Variants in CD276 observed in about 807,000 individuals in gnomAD.
CD276 encodes the protein CD276 antigen.
Under a neutral mutation model 50.0 loss-of-function variants are expected in CD276, and 34 were observed. That is an observed-to-expected ratio of 0.68 (90% CI 0.52 to 0.91). CD276 has a LOEUF of 0.91. CD276 is among the 40% of genes least tolerant of loss of function. The pLI is 0.00. For synonymous variants in CD276, 275 were observed against 313.0 expected (o/e 0.88, Z 1.28); for missense variants, 634 against 717.5 (o/e 0.88, Z 1.33).
At position 73,704,432 on chromosome 15, in the gene CD276, C is replaced by T. The variant is rs748594967; in HGVS notation, c.1329C>T (p.Pro443=). Residue 443 remains proline, a synonymous_variant, in exon 6 of 10, where the codon CCC becomes CCT. Transcript: ENST00000318443. The surrounding 1 kb of genome is among the most constrained non-coding windows in gnomAD (Gnocchi z 4.1). ...CCTACAGCTGCCTGGTGCGCAACCC[C>T]GTGCTGCAGCAGGATGCGCACGGCT... ...NGTYSCLVRN[P]VLQQDAHGSV... The T allele has an allele frequency of 3.6e-5, 58 of 1,613,752 alleles. No individual in the cohort carries two copies. Among genetic ancestry groups the T allele is most frequent in the Middle Eastern group, 3.3e-4 (2 of 6,084 alleles).
rs761489221 is a variant in CD276 at position 73,702,403 on chromosome 15, G to A, written c.228G>A (p.Val76=). ...IWQLTDTKQL[V]HSFAEGQDQG... ...AGCTGACAGATACCAAACAGCTGGT[G>A]CACAGCTTTGCTGAGGGCCAGGACC... is the stretch of plus-strand genomic sequence containing the variant. The change falls in exon 3 of 10, where the codon GTG becomes GTA. Residue 76 remains valine (V), a synonymous_variant. Coordinates refer to ENST00000318443, the MANE Select transcript of CD276 (RefSeq NM_001024736.2). 3.1e-6 allele frequency: 5 copies of A among 1,613,798 alleles called. No homozygotes were observed. The highest frequency in any genetic ancestry group is 1.6e-4 in the Middle Eastern group (1 of 6,062).
At chr15:73,695,963 C>T (rs538190574) in intron 1 of CD276, among the ~76,000 whole-genome samples, 1 of 152,310 alleles carries the variant, frequency 6.6e-6, no homozygotes, top group South Asian at 2.1e-4. Context: ...GGCATTTTGG[C>T]CCTGAGCCCA....
Position 73,713,597 on chromosome 15 carries a change from G to A in CD276, c.*641G>A. On this transcript the variant is annotated 3_prime_UTR_variant, in exon 10 of 10. Coordinates refer to ENST00000318443, the MANE Select transcript of CD276 (RefSeq NM_001024736.2). ...CCTCCCTGCCCCAAGTGAAGACAGG[G>A]CACTCTGCGCCCACCACATGCACAG... 3.1e-6 allele frequency: 1 copy of A among 325,602 alleles called. No individual in the cohort carries two copies. 20.2% of individuals were successfully genotyped at this position (325,602 alleles called of 1,614,324 possible).
upstream of CD276, chr15:73,683,964 C>T (rs975224746): frequency 6.6e-6 from 1 of 152,410 alleles, no homozygotes; most frequent in Non-Finnish European, 1.5e-5. Flanking sequence ...GTCGAGTTAA[C>T]CCTTTCTGGG....
chr15:73,707,248 C>G (rs7177814), intron 6 of CD276, among the ~76,000 whole-genome samples: 28,717 of 152,238 alleles, frequency 0.19, 3,968 homozygotes, highest in African/African-American at 0.39. Context: ...CGTCTCCAGA[C>G]AGCAAAGGAA....
chr15:73,708,554 G>A, intron 7 of CD276, 81 bp downstream of exon 7: 1 of 1,481,518 alleles, frequency 6.7e-7, no homozygotes, highest in Non-Finnish European at 9.1e-7. Context: ...TGTCAATAGA[G>A]TGTCACTTTC....
At chr15:73,708,793 CGTGT>C in intron 7 of CD276, 1 of 380,208 alleles carries the variant, frequency 2.6e-6, no homozygotes, top group Non-Finnish European at 5.0e-6. Context: ...AAGTCAGTCA[CGTGT>C]GTGTGAGAGA....
chr15:73,694,815 G>T (rs1243362108), intron 1 of CD276, among the ~76,000 whole-genome samples: 1 of 152,188 alleles, frequency 6.6e-6, no homozygotes. Context: ...TAGCTGAGTG[G>T]CCGTGTGCCT....
chr15:73,695,284 T>A (rs1005743561), intron 1 of CD276, among the ~76,000 whole-genome samples: 3 of 152,118 alleles, frequency 2.0e-5, no homozygotes, highest in African/African-American at 7.2e-5. Flanking sequence ...TTGGGCTCAT[T>A]TTCTAGAATT....
Position 73,703,841 on chromosome 15 carries a change from G to A in CD276, c.916G>A (p.Ala306Thr), listed in dbSNP as rs776412054. The A allele has an allele frequency of 1.8e-5, 29 of 1,613,476 alleles. No individual in the cohort carries two copies. Among genetic ancestry groups the A allele is most frequent in the East Asian group, 4.5e-5 (2 of 44,890 alleles). The change falls in exon 5 of 10, where the codon GCC becomes ACC. Residue 306 changes from alanine to threonine, a missense_variant. Coordinates refer to ENST00000318443, the MANE Select transcript of CD276 (RefSeq NM_001024736.2). ...CACCGAAGGCCGGGACCAGGGCAGC[G>A]CCTATGCCAACCGCACGGCCCTCTT... ...SFTEGRDQGS[A>T]YANRTALFPD...
chr15:73,695,465 A>G (rs886881295), intron 1 of CD276, among the ~76,000 whole-genome samples: 1 of 152,116 alleles, frequency 6.6e-6, no homozygotes, highest in African/African-American at 2.4e-5. Flanking sequence ...CGCCCTGACC[A>G]TATCATAAAT....
Position 73,703,877 on chromosome 15 carries a change from C to G in CD276, c.952C>G (p.Leu318Val). The G allele has an allele frequency of 4.3e-6, 7 of 1,613,726 alleles. No homozygotes were observed. Among genetic ancestry groups the G allele is most frequent in the Non-Finnish European group, 5.1e-6 (6 of 1,180,000 alleles). ...ANRTALFPDL[L>V]AQGNASLRLQ... ...CCGCACGGCCCTCTTCCCGGACCTGCTGGCACAAGGCAATGCATCCCTGAG... is the reference window on the plus strand; with the variant it reads ...CCGCACGGCCCTCTTCCCGGACCTGGTGGCACAAGGCAATGCATCCCTGAG... Residue 318 changes from leucine (L) to valine (V), a missense_variant, in exon 5 of 10, where the codon CTG becomes GTG. Leu to Val is a conservative substitution (Grantham distance 32). Coordinates refer to ENST00000318443, the MANE Select transcript of CD276 (RefSeq NM_001024736.2).
At chr15:73,709,556 C>A in intron 7 of CD276, 92 bp from the exon 8 acceptor site, 1 of 1,317,132 alleles carries the variant, frequency 7.6e-7, no homozygotes, top group South Asian at 1.2e-5. Context: ...AGGCCCTGTT[C>A]ACCAGCTTCC....
intron 8 of CD276, among the ~76,000 whole-genome samples, chr15:73,710,744 G>C (rs894138380): frequency 6.6e-6 from 1 of 152,192 alleles, no homozygotes; most frequent in Non-Finnish European, 1.5e-5. Context: ...GAGTGTGGGT[G>C]ATGGAGTTGG....
intron 1 of CD276, among the ~76,000 whole-genome samples, chr15:73,692,023 A>T (rs897529629): frequency 1.3e-5 from 2 of 152,120 alleles, no homozygotes; most frequent in African/African-American, 4.8e-5. Context: ...CCTGCTGTGC[A>T]CAGATTCAAT....
intron 1 of CD276, among the ~76,000 whole-genome samples, chr15:73,689,229 T>TGTGTAC (rs56397980): frequency 1.4e-5 from 2 of 147,200 alleles, no homozygotes; most frequent in African/African-American, 5.0e-5. Context: ...TGTGTGTGTG[T>TGTGTAC]ACACATTTCC....
intron 2 of CD276, 123 bp from the exon 3 acceptor site, chr15:73,702,132 T>G (rs1900415908): frequency 1.4e-6 from 1 of 727,838 alleles, no homozygotes; most frequent in East Asian, 2.7e-5. Context: ...TAAATTACTT[T>G]GGGTCTCAGG....
At chr15:73,703,198 C>T (rs1900487777) in intron 4 of CD276, 112 bp downstream of exon 4, 1 of 1,264,180 alleles carries the variant, frequency 7.9e-7, no homozygotes, top group Non-Finnish European at 1.1e-6. Flanking sequence ...CAAGTTGCCT[C>T]CTAATGATAG....
intron 1 of CD276, among the ~76,000 whole-genome samples, chr15:73,688,339 C>T (rs551476947): frequency 1.3e-5 from 2 of 152,108 alleles, no homozygotes; most frequent in Non-Finnish European, 1.5e-5. Flanking sequence ...GTACTGGGCA[C>T]TTTCCTAAGT....
Sources: gnomAD v4.1 joint callset for allele counts (sites outside exome capture counted in the v4.1 genomes callset) on GRCh38, gnomAD v4.1.1 for gene constraint, Gnocchi (gnomAD v3.1) non-coding constraint, MANE v1.5 for transcripts, NCBI Gene and HGNC (gene_info 2026-07-23, HGNC 2026-07-21) for gene names.